The following EXOC4 variants were observed in gnomAD, a reference collection of about 807,000 sequenced individuals.
EXOC4 encodes the protein exocyst complex component 4.
EXOC4 carries 71 observed loss-of-function variants against 107.2 expected under a neutral mutation model. The ratio of observed to expected loss-of-function variants is 0.66; its 90% CI spans 0.55 to 0.81. The LOEUF is 0.81. Among genes scored for constraint, EXOC4 ranks in the 30% least tolerant of loss-of-function variants. EXOC4 has a pLI of 0.00. For missense variants in EXOC4, 1,108 were observed against 1,189.6 expected (o/e 0.93, Z 1.01); for synonymous variants, 456 against 441.2 (o/e 1.03, Z -0.42).
chr7:133,977,465 A>C (rs2116899145), intron 14 of EXOC4, among the ~76,000 whole-genome samples: 1 of 152,286 alleles, frequency 6.6e-6, no homozygotes, highest in African/African-American at 2.4e-5. Context: ...CTTCCAAATA[A>C]ATATTATTTA....
chr7:133,780,419 A>G (rs56030945), intron 10 of EXOC4, among the ~76,000 whole-genome samples: 1,840 of 152,152 alleles, frequency 0.012, 19 homozygotes, highest in Non-Finnish European at 0.02. Flanking sequence ...AGCTTCAGAG[A>G]TGTGTTAGAT....
chr7:133,575,074 G>A (rs939280810), intron 9 of EXOC4, among the ~76,000 whole-genome samples: 9 of 152,182 alleles, frequency 5.9e-5, no homozygotes, highest in African/African-American at 1.9e-4. Context: ...CACAGCTATG[G>A]AAGTTTTAAA....
intron 5 of EXOC4, among the ~76,000 whole-genome samples, chr7:133,327,959 G>A (rs948624878): frequency 2.0e-5 from 3 of 152,160 alleles, no homozygotes; most frequent in South Asian, 4.1e-4. Flanking sequence ...AGGTCTGCTT[G>A]TTCCAGAGCT....
intron 7 of EXOC4, among the ~76,000 whole-genome samples, chr7:133,433,659 C>T (rs189332556): frequency 3.0e-4 from 45 of 152,292 alleles, no homozygotes; most frequent in Non-Finnish European, 5.9e-4. Context: ...ATACTCATTT[C>T]TTTTAAAGAC....
chr7:133,774,402 T>C (rs1035320460), intron 10 of EXOC4, among the ~76,000 whole-genome samples: 3 of 152,090 alleles, frequency 2.0e-5, no homozygotes, highest in African/African-American at 7.2e-5. Flanking sequence ...AAAAAAAGAA[T>C]GCAACCAAAG....
At chr7:134,049,303 C>T (rs1795728136) in intron 17 of EXOC4, among the ~76,000 whole-genome samples, 1 of 152,152 alleles carries the variant, frequency 6.6e-6, no homozygotes, top group African/African-American at 2.4e-5. Flanking sequence ...TCACCTTCAT[C>T]CTTCCACTCA....
intron 10 of EXOC4, among the ~76,000 whole-genome samples, chr7:133,783,227 G>A (rs1476877159): frequency 6.6e-6 from 1 of 152,070 alleles, no homozygotes; most frequent in Non-Finnish European, 1.5e-5. Context: ...TCCCTTCCCT[G>A]TCACAGGAGA....
chr7:133,767,521 T>C (rs1189138293), intron 10 of EXOC4, among the ~76,000 whole-genome samples: 1 of 151,946 alleles, frequency 6.6e-6, no homozygotes, highest in African/African-American at 2.4e-5. Flanking sequence ...GTTCCTTTTG[T>C]CATATTCTCA....
chr7:133,256,154 T>G (rs1795013548), intron 1 of EXOC4, among the ~76,000 whole-genome samples: 1 of 152,164 alleles, frequency 6.6e-6, no homozygotes, highest in South Asian at 2.1e-4. Flanking sequence ...ACTAATGTTT[T>G]GTATTTTTAG....
the EXOC4 span, among the ~76,000 whole-genome samples, chr7:134,089,479 A>G: frequency 6.6e-6 from 1 of 152,176 alleles, no homozygotes; most frequent in African/African-American, 2.4e-5. Context: ...GGAGCCTAGG[A>G]CCCACAGAAG....
At chr7:133,734,380 T>C (rs1379657785) in intron 10 of EXOC4, among the ~76,000 whole-genome samples, 2 of 151,942 alleles carry the variant, frequency 1.3e-5, no homozygotes, top group Non-Finnish European at 2.9e-5. Context: ...AAACAGGACC[T>C]GGCAGAATGT....
At chr7:133,706,982 T>C (rs763938212) in intron 10 of EXOC4, among the ~76,000 whole-genome samples, 16 of 152,122 alleles carry the variant, frequency 1.1e-4, no homozygotes, top group Non-Finnish European at 2.1e-4. Flanking sequence ...ATTCAGACCA[T>C]AGCATTTATA....
chr7:133,867,226 G>A (rs1039845691), intron 11 of EXOC4, among the ~76,000 whole-genome samples: 2 of 152,188 alleles, frequency 1.3e-5, no homozygotes, highest in Admixed American at 1.3e-4. Flanking sequence ...TCTTCCCTGT[G>A]CCTCAGTTTT....
At chr7:133,477,205 T>C (rs575638493) in intron 8 of EXOC4, among the ~76,000 whole-genome samples, 3 of 152,188 alleles carry the variant, frequency 2.0e-5, no homozygotes, top group Non-Finnish European at 4.4e-5. Flanking sequence ...AGTTCACTCT[T>C]TGTGTTGTAC....
intron 12 of EXOC4, among the ~76,000 whole-genome samples, chr7:133,906,690 A>G (rs567215140): frequency 7.9e-5 from 12 of 152,236 alleles, no homozygotes; most frequent in South Asian, 4.2e-4. Flanking sequence ...CTCGCTGTCC[A>G]CTACCGCTGT....
Position 133,895,824 on chromosome 7 carries a change from A to G in EXOC4, c.1871+89A>G, listed in dbSNP as rs565997323. The G allele has an allele frequency of 2.7e-3, 3,787 of 1,395,770 alleles. 13 individuals are homozygous for G. The highest frequency in any genetic ancestry group is 3.5e-3 in the Non-Finnish European group (3,556 of 1,013,010). The allele number at this position is 1,395,770 out of a possible 1,614,324, so 86.5% of individuals were successfully genotyped here. A position where few individuals can be genotyped will look rare whatever the true frequency, so the allele number is the denominator to read the frequency against. On this transcript the variant is annotated intron_variant, in intron 12 of 17. Coordinates refer to ENST00000253861, the MANE Select transcript of EXOC4 (RefSeq NM_021807.4). ...AAATTGCTTCAATAGCCTAATTTCC[A>G]AAAGGATCATCTCTGAGTTTGTCAA...
chr7:133,531,042 A>G (rs1346682306), intron 9 of EXOC4, among the ~76,000 whole-genome samples: 6 of 152,158 alleles, frequency 3.9e-5, no homozygotes, highest in Non-Finnish European at 7.4e-5. Flanking sequence ...GGAGGCTAAA[A>G]TCATTAGTAT....
intron 9 of EXOC4, among the ~76,000 whole-genome samples, chr7:133,589,059 A>G (rs539651138): frequency 6.6e-6 from 1 of 152,236 alleles, no homozygotes; most frequent in Admixed American, 6.5e-5. Context: ...TATAAACTTT[A>G]TTTCTCAACA....
At chr7:133,810,313 C>T (rs1312206522) in intron 10 of EXOC4, among the ~76,000 whole-genome samples, 2 of 152,036 alleles carry the variant, frequency 1.3e-5, no homozygotes, top group African/African-American at 2.4e-5. Flanking sequence ...TAAGGCTGGG[C>T]TAAGTGAGGG....
Sources: gnomAD v4.1 joint callset for allele counts (sites outside exome capture counted in the v4.1 genomes callset) on GRCh38, gnomAD v4.1.1 for gene constraint, MANE v1.5 for transcripts, NCBI Gene and HGNC (gene_info 2026-07-23, HGNC 2026-07-21) for gene names.